The following JMJD1C variants were observed in gnomAD, a reference collection of about 807,000 sequenced individuals.
JMJD1C encodes the protein jumonji domain-containing protein 1C.
In JMJD1C, 31 loss-of-function variants were observed where a neutral mutation model predicts 245.3. The ratio of observed to expected loss-of-function variants is 0.13; its 90% CI spans 0.09 to 0.17. The LOEUF (loss-of-function observed/expected upper bound fraction) is 0.17. JMJD1C is among the 10% of genes least tolerant of loss of function. The pLI is 1.00. For synonymous variants in JMJD1C, 1,057 were observed against 1,017.4 expected, an observed-to-expected ratio of 1.04 and a Z score of -0.74; for missense variants, 2,691 against 3,000.2, an observed-to-expected ratio of 0.90 and a Z score of 2.41.
At chr10:63,519,610 G>A (rs1432682354) in intron 1 of JMJD1C, among the ~76,000 whole-genome samples, 2 of 152,216 alleles carry the variant, frequency 1.3e-5, no homozygotes, top group Admixed American at 1.3e-4. Flanking sequence ...AATAAATTAT[G>A]AGAGCACAGA....
chr10:63,373,396 A>T (rs2393967), intron 2 of JMJD1C, among the ~76,000 whole-genome samples: 1 of 152,112 alleles, frequency 6.6e-6, no homozygotes, highest in South Asian at 2.1e-4. Context: ...AATTATGTTA[A>T]GTTTTAAAAA....
chr10:63,295,713 A>G (rs1039286274), intron 2 of JMJD1C, among the ~76,000 whole-genome samples: 2 of 152,050 alleles, frequency 1.3e-5, no homozygotes, highest in African/African-American at 4.8e-5. Context: ...CTTGTTATGC[A>G]TGGTAGTTAC....
At chr10:63,317,374 G>T (rs1466263070) in intron 2 of JMJD1C, among the ~76,000 whole-genome samples, 1 of 151,950 alleles carries the variant, frequency 6.6e-6, no homozygotes, top group African/African-American at 2.4e-5. Flanking sequence ...GCACAGTGGC[G>T]TGTGCCTGTA....
chr10:63,366,792 C>T (rs1945877198), intron 2 of JMJD1C, among the ~76,000 whole-genome samples: 1 of 152,174 alleles, frequency 6.6e-6, no homozygotes, highest in African/African-American at 2.4e-5. Flanking sequence ...ATGGATCCAA[C>T]TCCTGGGTGC....
intron 3 of JMJD1C, among the ~76,000 whole-genome samples, chr10:63,226,737 AG>A: frequency 8.0e-6 from 1 of 124,714 alleles, no homozygotes; most frequent in South Asian, 2.4e-4. Context: ...AAAAAAAAAG[AG>A]AGAGAGAAGG....
chr10:63,206,285 A>T (rs1445345486), intron 10 of JMJD1C, among the ~76,000 whole-genome samples: 1 of 152,198 alleles, frequency 6.6e-6, no homozygotes, highest in African/African-American at 2.4e-5. Flanking sequence ...AATTCTTAGA[A>T]ATGGCCAAAA....
At chr10:63,231,707 T>C (rs1850023574) in intron 3 of JMJD1C, among the ~76,000 whole-genome samples, 1 of 152,140 alleles carries the variant, frequency 6.6e-6, no homozygotes, top group African/African-American at 2.4e-5. Flanking sequence ...GACAGGAGAA[T>C]CGCTTGAATC....
At chr10:63,322,846 G>C (rs533298007) in intron 2 of JMJD1C, among the ~76,000 whole-genome samples, 84 of 132,694 alleles carry the variant, frequency 6.3e-4, no homozygotes, top group Non-Finnish European at 1.1e-3. Flanking sequence ...TCCTAAGTTT[G>C]TCAAGGCACA....
At chr10:63,396,417 C>A (rs962530989) in intron 1 of JMJD1C, among the ~76,000 whole-genome samples, 6 of 152,150 alleles carry the variant, frequency 3.9e-5, no homozygotes, top group African/African-American at 1.4e-4. Flanking sequence ...TATTCACCTC[C>A]ACCTCTCCTT....
At chr10:63,436,138 TGAG>T (rs1023891681) in intron 1 of JMJD1C, among the ~76,000 whole-genome samples, 3 of 152,202 alleles carry the variant, frequency 2.0e-5, no homozygotes, top group Non-Finnish European at 4.4e-5. Context: ...AGAGATTATA[TGAG>T]GAGGGAGGAG....
intron 10 of JMJD1C, among the ~76,000 whole-genome samples, chr10:63,205,446 A>G (rs1846488499): frequency 6.6e-6 from 1 of 152,218 alleles, no homozygotes; most frequent in Admixed American, 6.5e-5. Flanking sequence ...GGGAAAAAAT[A>G]TTCTACAAAG....
chr10:63,236,850 A>G (rs972741662), intron 3 of JMJD1C, among the ~76,000 whole-genome samples: 9 of 152,132 alleles, frequency 5.9e-5, no homozygotes, highest in African/African-American at 2.2e-4. Context: ...ATGGTGGCTC[A>G]TGCCTGTAAT....
chr10:63,511,200 A>G (rs1341443323), intron 1 of JMJD1C, among the ~76,000 whole-genome samples: 1 of 152,144 alleles, frequency 6.6e-6, no homozygotes, highest in Non-Finnish European at 1.5e-5. Context: ...TATCTATCAT[A>G]TTTATTACAG....
At chr10:63,448,165 T>A (rs1951823412) in intron 1 of JMJD1C, among the ~76,000 whole-genome samples, 1 of 152,022 alleles carries the variant, frequency 6.6e-6, no homozygotes, top group Non-Finnish European at 1.5e-5. Context: ...ATTTTAATTT[T>A]ATTTTATTTG....
At chr10:63,222,333 C>A in intron 3 of JMJD1C, 1 of 1,338,066 alleles carries the variant, frequency 7.5e-7, no homozygotes, top group Non-Finnish European at 1.1e-6. Flanking sequence ...AGTAAAGATG[C>A]ACTGCATTTG....
intron 18 of JMJD1C, among the ~76,000 whole-genome samples, chr10:63,187,218 G>A (rs1461045341): frequency 6.6e-6 from 1 of 151,834 alleles, no homozygotes; most frequent in African/African-American, 2.4e-5. Flanking sequence ...TTTTTTCAAT[G>A]AGCCAATAAT....
At chr10:63,341,987 G>C (rs1943425889) in intron 2 of JMJD1C, among the ~76,000 whole-genome samples, 1 of 152,164 alleles carries the variant, frequency 6.6e-6, no homozygotes, top group Admixed American at 6.5e-5. Context: ...ATGGTGACTT[G>C]TAACTATATT....
At chr10:63,233,576 C>T (rs973241470) in intron 3 of JMJD1C, among the ~76,000 whole-genome samples, 1 of 151,594 alleles carries the variant, frequency 6.6e-6, no homozygotes, top group Non-Finnish European at 1.5e-5. Flanking sequence ...TTAAAATATC[C>T]CCCAAATGAA....
At chr10:63,177,686 G>A (rs1842981926) in intron 23 of JMJD1C, 31 bp downstream of exon 23, 1 of 1,609,324 alleles carries the variant, frequency 6.2e-7, no homozygotes, top group East Asian at 2.2e-5. Context: ...TGCTTGAGGG[G>A]AAGAGATATT....
Sources: allele counts gnomAD v4.1 joint callset (sites outside exome capture counted in the v4.1 genomes callset), GRCh38; gene constraint gnomAD v4.1.1; transcripts MANE v1.5; gene names NCBI Gene and HGNC (gene_info 2026-07-23, HGNC 2026-07-21).